Variants in PSTPIP2 observed in about 807,000 individuals in gnomAD.
The protein encoded by PSTPIP2 is proline-serine-threonine phosphatase-interacting protein 2.
In PSTPIP2, 33 loss-of-function variants were observed where a neutral mutation model predicts 63.3. The ratio of observed to expected loss-of-function variants is 0.52; its 90% CI spans 0.40 to 0.70. PSTPIP2 has a LOEUF of 0.70. Ranked by LOEUF, PSTPIP2 falls within the 30% of genes least tolerant of loss-of-function variation. The probability of loss-of-function intolerance (pLI) is 0.00; values close to 1 mark genes in which losing one functional copy is unlikely to be tolerated. For synonymous variants in PSTPIP2, 125 were observed against 132.7 expected, an observed-to-expected ratio of 0.94 and a Z score of 0.40; for missense variants, 312 against 400.7, an observed-to-expected ratio of 0.78 and a Z score of 1.89.
intron 1 of PSTPIP2, among the ~76,000 whole-genome samples, chr18:46,071,707 C>G (rs1909399195): frequency 6.6e-6 from 1 of 152,222 alleles, no homozygotes; most frequent in Admixed American, 6.5e-5. Flanking sequence ...CCAGATCCCC[C>G]CAGATCCTCT....
chr18:46,070,552 C>T (rs148119092), intron 1 of PSTPIP2, among the ~76,000 whole-genome samples: 2,009 of 152,318 alleles, frequency 0.013, 47 homozygotes, highest in African/African-American at 0.044. Context: ...ATCACTCTGT[C>T]GTCCAGGCTG....
intron 1 of PSTPIP2, among the ~76,000 whole-genome samples, chr18:46,046,729 A>T (rs897428596): frequency 2.0e-5 from 3 of 152,250 alleles, no homozygotes; most frequent in African/African-American, 7.2e-5. Flanking sequence ...AAGTGCAAAG[A>T]AGAGGCCAGA....
intron 9 of PSTPIP2, among the ~76,000 whole-genome samples, chr18:45,997,291 C>A (rs1482585413): frequency 2.0e-5 from 3 of 151,400 alleles, no homozygotes; most frequent in Non-Finnish European, 4.4e-5. Context: ...CAGGTTCAAG[C>A]TATACTCCTG....
chr18:46,029,518 G>T, intron 2 of PSTPIP2: 1 of 828,496 alleles, frequency 1.2e-6, no homozygotes, highest in South Asian at 1.3e-5. Context: ...GGAATGGACA[G>T]TTGCTTGTGG....
At chr18:46,001,925 T>C (rs2051671700) in intron 6 of PSTPIP2, among the ~76,000 whole-genome samples, 3 of 152,194 alleles carry the variant, frequency 2.0e-5, no homozygotes, top group Non-Finnish European at 4.4e-5. Flanking sequence ...TATTTAAAAA[T>C]ATATAATTAA....
At chr18:46,003,697 T>C (rs2051694052) in intron 6 of PSTPIP2, among the ~76,000 whole-genome samples, 1 of 151,866 alleles carries the variant, frequency 6.6e-6, no homozygotes, top group African/African-American at 2.4e-5. Context: ...CCTTGTCAGG[T>C]TGTTCTTTGA....
At chr18:46,044,164 A>C (rs1431388222) in intron 1 of PSTPIP2, among the ~76,000 whole-genome samples, 1 of 152,236 alleles carries the variant, frequency 6.6e-6, no homozygotes, top group Non-Finnish European at 1.5e-5. Flanking sequence ...AATTACTTTA[A>C]AGTTCACATG....
At position 45,988,763 on chromosome 18, in the gene PSTPIP2, CA is replaced by C; in HGVS notation, c.956-5del. Reference sequence around the variant, plus strand: ...ACCAAAGAGTAATTGGGATCATCTGCAAAAGGCAGAACACAGAAAACAACAG... The same window carrying C: ...ACCAAAGAGTAATTGGGATCATCTGCAAAGGCAGAACACAGAAAACAACAG... On this transcript the variant is annotated splice_polypyrimidine_tract_variant and splice_region_variant and intron_variant, in intron 13 of 14. Transcript: ENST00000409746. 1 of 1,557,822 alleles carries C rather than the reference CA, an allele frequency of 6.4e-7. No individual in the cohort carries two copies. Among genetic ancestry groups the C allele is most frequent in the Non-Finnish European group, 8.9e-7 (1 of 1,129,276 alleles).
intron 3 of PSTPIP2, among the ~76,000 whole-genome samples, chr18:46,017,872 C>T (rs749257411): frequency 6.6e-6 from 1 of 152,094 alleles, no homozygotes; most frequent in Non-Finnish European, 1.5e-5. Flanking sequence ...TTCCTCCTAA[C>T]CGAAATTTTG....
intron 5 of PSTPIP2, among the ~76,000 whole-genome samples, chr18:46,006,398 G>A (rs1262527286): frequency 8.2e-6 from 1 of 121,836 alleles, no homozygotes; most frequent in Admixed American, 1.0e-4. Context: ...CTGAGACAGA[G>A]TTTGCTCTTA....
At chr18:45,992,874 C>T (rs1251271934) in intron 10 of PSTPIP2, among the ~76,000 whole-genome samples, 1 of 152,050 alleles carries the variant, frequency 6.6e-6, no homozygotes, top group Admixed American at 6.5e-5. Context: ...AGGCACATGC[C>T]ACCACGTCTG....
At chr18:46,002,401 C>A (rs1226088992) in intron 6 of PSTPIP2, among the ~76,000 whole-genome samples, 3 of 151,954 alleles carry the variant, frequency 2.0e-5, no homozygotes, top group Admixed American at 2.0e-4. Context: ...GCAAAAAGTC[C>A]CTGAGGCTCT....
chr18:45,997,971 G>C, intron 8 of PSTPIP2, 143 bp from the exon 9 acceptor site: 1 of 690,112 alleles, frequency 1.4e-6, no homozygotes, highest in Non-Finnish European at 2.6e-6. Context: ...TGAGCACTGG[G>C]AGTTATTGCA....
intron 10 of PSTPIP2, among the ~76,000 whole-genome samples, chr18:45,993,121 G>A (rs1463782582): frequency 6.6e-6 from 1 of 152,162 alleles, no homozygotes; most frequent in Admixed American, 6.5e-5. Flanking sequence ...TTGAGATGGA[G>A]TCTCACTGTG....
intron 1 of PSTPIP2, among the ~76,000 whole-genome samples, chr18:46,053,345 G>A (rs8096256): frequency 0.13 from 19,535 of 152,182 alleles, 1,654 homozygotes; most frequent in East Asian, 0.41. Flanking sequence ...ACTTATGGGA[G>A]TGAGGATGTT....
chr18:46,045,167 C>T (rs965473921), intron 1 of PSTPIP2, among the ~76,000 whole-genome samples: 1 of 152,100 alleles, frequency 6.6e-6, no homozygotes, highest in African/African-American at 2.4e-5. Context: ...GGGTATATAC[C>T]CAAAGGACTA....
chr18:46,065,346 C>T (rs1296107751), intron 1 of PSTPIP2, among the ~76,000 whole-genome samples: 1 of 150,146 alleles, frequency 6.7e-6, no homozygotes, highest in Non-Finnish European at 1.5e-5. Flanking sequence ...GGCTGGAGTG[C>T]AGTGGCATGC....
At chr18:45,992,339 G>T (rs1386336513) in intron 10 of PSTPIP2, 137 bp from the exon 11 acceptor site, 1 of 693,718 alleles carries the variant, frequency 1.4e-6, no homozygotes, top group Non-Finnish European at 2.5e-6. Flanking sequence ...GGGGTGGGCG[G>T]ATCACAAGGT....
chr18:45,997,603 C>CCTT lies in PSTPIP2; in HGVS notation c.642+145_642+146insAAG. 9 of 127,210 alleles carry CCTT rather than the reference C, an allele frequency of 7.1e-5. 3 individuals carry two copies. The highest frequency in any genetic ancestry group is 4.7e-4 in the Admixed American group (6 of 12,746). 7.9% of individuals were successfully genotyped at this position (127,210 alleles called of 1,614,324 possible). The stretch of plus-strand genomic sequence containing the variant: ...GGGCAGAAGACCCACCTCCCGCCCC[C>CCTT]TCGTCCTCCCCCAACCCCCGGCCCC... On this transcript the variant is annotated intron_variant, in intron 9 of 14. Coordinates refer to ENST00000409746, the MANE Select transcript of PSTPIP2 (RefSeq NM_024430.4).
Sources: gnomAD v4.1 joint callset for allele counts (sites outside exome capture counted in the v4.1 genomes callset) on GRCh38, gnomAD v4.1.1 for gene constraint, MANE v1.5 for transcripts, NCBI Gene and HGNC (gene_info 2026-07-23, HGNC 2026-07-21) for gene names.